KIRREL1: variants seen among roughly 807,000 people sequenced by gnomAD.
The protein encoded by KIRREL1 is kin of IRRE-like protein 1.
Under a neutral mutation model 83.3 loss-of-function variants are expected in KIRREL1, and 25 were observed. That is an observed-to-expected ratio of 0.30 (90% CI 0.22 to 0.42). The LOEUF (loss-of-function observed/expected upper bound fraction) is 0.42, where lower values mean the gene tolerates loss of function less well. Ranked by LOEUF, KIRREL1 falls within the 10% of genes least tolerant of loss-of-function variation. The pLI, the probability that KIRREL1 is intolerant of heterozygous loss-of-function variation, is 1.00. For missense variants in KIRREL1, 812 were observed against 1,032.3 expected, an observed-to-expected ratio of 0.79 and a Z score of 2.92; for synonymous variants, 388 against 410.4, an observed-to-expected ratio of 0.95 and a Z score of 0.66.
intron 1 of KIRREL1, among the ~76,000 whole-genome samples, chr1:158,027,142 C>A (rs966675840): frequency 2.0e-5 from 3 of 152,224 alleles, no homozygotes; most frequent in Admixed American, 6.5e-5. Context: ...TGGCTGGCTA[C>A]AAATTGGGGT....
chr1:158,092,302 A>G (rs563898804), intron 11 of KIRREL1, among the ~76,000 whole-genome samples: 4 of 149,082 alleles, frequency 2.7e-5, no homozygotes, highest in Admixed American at 2.7e-4. Context: ...GACATAGGAG[A>G]TGGAGAACCA....
At chr1:158,074,223 C>T (rs1313853750) in intron 1 of KIRREL1, among the ~76,000 whole-genome samples, 1 of 152,172 alleles carries the variant, frequency 6.6e-6, no homozygotes, top group Non-Finnish European at 1.5e-5. Context: ...ACTTGAGGAG[C>T]CACTCATGGA....
At chr1:158,042,406 T>C (rs1660654895) in intron 1 of KIRREL1, among the ~76,000 whole-genome samples, 1 of 152,214 alleles carries the variant, frequency 6.6e-6, no homozygotes, top group African/African-American at 2.4e-5. Flanking sequence ...TGGAAGAATC[T>C]TTAACATGAG....
chr1:158,052,428 G>A (rs1660931789), intron 1 of KIRREL1, among the ~76,000 whole-genome samples: 3 of 152,076 alleles, frequency 2.0e-5, no homozygotes. Flanking sequence ...ATTGTACCTT[G>A]TATTAGTCCA....
intron 11 of KIRREL1, among the ~76,000 whole-genome samples, chr1:158,092,944 C>A (rs115990677): frequency 6.6e-6 from 1 of 151,406 alleles, no homozygotes; most frequent in Non-Finnish European, 1.5e-5. Context: ...TGAAAGATGT[C>A]GGAACACGGG....
At chr1:158,045,643 G>T (rs548368633) in intron 1 of KIRREL1, among the ~76,000 whole-genome samples, 1 of 152,306 alleles carries the variant, frequency 6.6e-6, no homozygotes, top group African/African-American at 2.4e-5. Flanking sequence ...TACCAACCAG[G>T]AGGTTCCATG....
intron 1 of KIRREL1, among the ~76,000 whole-genome samples, chr1:158,016,862 T>A (rs1413846365): frequency 1.3e-5 from 2 of 152,216 alleles, no homozygotes; most frequent in East Asian, 3.8e-4. Context: ...CAAGAGGAAG[T>A]TGACAGAGTG....
intron 3 of KIRREL1, 108 bp from the exon 4 acceptor site, chr1:158,084,314 C>A: frequency 8.9e-7 from 1 of 1,118,348 alleles, no homozygotes; most frequent in Non-Finnish European, 1.3e-6. Context: ...TACCGCCTAC[C>A]TAGAGGCGCA....
At chr1:158,045,835 A>G (rs1195716756) in intron 1 of KIRREL1, among the ~76,000 whole-genome samples, 2 of 152,196 alleles carry the variant, frequency 1.3e-5, no homozygotes, top group East Asian at 3.9e-4. Context: ...GAGTCACCTC[A>G]TTAGCATAAA....
chr1:158,060,301 A>C (rs532354305), intron 1 of KIRREL1, among the ~76,000 whole-genome samples: 1 of 152,116 alleles, frequency 6.6e-6, no homozygotes, highest in East Asian at 1.9e-4. Context: ...CCTCCTTCTC[A>C]ATCTCCCTGT....
rs146412526 is a variant in KIRREL1, at chr1:158,012,729, T to C, written c.52+19001T>C. ...TGAATATAAGTTAATGTAAAGTCTA[T>C]AGGGGCAAGGGCCTTCTTTGTCTCA... On this transcript the variant is annotated intron_variant, in intron 1 of 14. Coordinates refer to ENST00000359209, the MANE Select transcript of KIRREL1 (RefSeq NM_018240.7). Among the ~76,000 whole-genome samples, 14 of 152,368 alleles carry C rather than the reference T, an allele frequency of 9.2e-5. No homozygotes were observed. The East Asian group carries it at 2.3e-3, about 25-fold the overall frequency.
At chr1:158,001,627 G>A (rs1215598579) in intron 1 of KIRREL1, among the ~76,000 whole-genome samples, 1 of 152,132 alleles carries the variant, frequency 6.6e-6, no homozygotes, top group Non-Finnish European at 1.5e-5. Flanking sequence ...GGAGGAAGTG[G>A]GGCCCAAGGA....
intron 1 of KIRREL1, among the ~76,000 whole-genome samples, chr1:158,058,086 C>T (rs1425379602): frequency 6.6e-6 from 1 of 152,174 alleles, no homozygotes; most frequent in African/African-American, 2.4e-5. Context: ...GTAATGTCCT[C>T]ATAGATTGCT....
intron 4 of KIRREL1, among the ~76,000 whole-genome samples, chr1:158,085,803 G>A (rs1385224692): frequency 6.6e-6 from 1 of 152,174 alleles, no homozygotes; most frequent in East Asian, 1.9e-4. Flanking sequence ...ACCCCTGGCT[G>A]TCACTGAGCA....
intron 1 of KIRREL1, among the ~76,000 whole-genome samples, chr1:158,000,934 T>C (rs1033829802): frequency 2.0e-5 from 3 of 152,204 alleles, no homozygotes; most frequent in Admixed American, 1.3e-4. Flanking sequence ...TTCATTCCTT[T>C]TGCAATCTGG....
chr1:158,093,607 G>T lies in KIRREL1; in HGVS notation c.1580-16G>T. On this transcript the variant is annotated splice_polypyrimidine_tract_variant and intron_variant, in intron 12 of 14. Transcript: ENST00000359209. Reference sequence around the variant, plus strand: ...CAGCAGGAAGCACTTGTTCCAGGCTGCCTCTCCCGTCCCAGGTCGCAAAGA... The same window carrying T: ...CAGCAGGAAGCACTTGTTCCAGGCTTCCTCTCCCGTCCCAGGTCGCAAAGA... The T allele has an allele frequency of 6.2e-7, 1 of 1,614,014 alleles. No individual in the cohort carries two copies. The highest frequency in any genetic ancestry group is 1.1e-5 in the South Asian group (1 of 91,080).
At chr1:158,089,393 C>T (rs1286906470) in intron 8 of KIRREL1, 109 bp from the exon 9 acceptor site, 1 of 1,545,768 alleles carries the variant, frequency 6.5e-7, no homozygotes, top group African/African-American at 1.4e-5. Context: ...TCTGGGAATT[C>T]ACTTGTGGCC....
intron 1 of KIRREL1, among the ~76,000 whole-genome samples, chr1:158,045,533 G>T (rs1281103909): frequency 2.0e-5 from 3 of 152,188 alleles, no homozygotes; most frequent in Non-Finnish European, 4.4e-5. Flanking sequence ...CAAATGAAGA[G>T]ACACACAGGA....
At chr1:158,061,532 C>T (rs148759992) in intron 1 of KIRREL1, among the ~76,000 whole-genome samples, 1 of 152,300 alleles carries the variant, frequency 6.6e-6, no homozygotes, top group Admixed American at 6.5e-5. Flanking sequence ...TCCTCTTTGC[C>T]ACAGCTGCAT....
Sources: allele counts gnomAD v4.1 joint callset (sites outside exome capture counted in the v4.1 genomes callset), GRCh38; gene constraint gnomAD v4.1.1; transcripts MANE v1.5; gene names NCBI Gene and HGNC (gene_info 2026-07-23, HGNC 2026-07-21).